Variants in WRN observed in about 807,000 individuals in gnomAD.
WRN encodes the protein WRN RecQ like helicase, also known as bifunctional 3'-5' exonuclease/ATP-dependent helicase WRN.
A neutral mutation model predicts 180.7 loss-of-function variants in WRN; 149 were observed. The observed-to-expected ratio is 0.82, with a 90% CI of 0.72 to 0.94. WRN has a LOEUF of 0.94. Ranked by LOEUF, WRN falls within the 40% of genes least tolerant of loss-of-function variation. WRN has a pLI of 0.00. For synonymous variants in WRN, 548 were observed against 568.9 expected (o/e 0.96, Z 0.52); for missense variants, 1,661 against 1,700.1 (o/e 0.98, Z 0.40).
chr8:31,075,645 G>A (rs1224584063), intron 7 of WRN, among the ~76,000 whole-genome samples: 2 of 151,926 alleles, frequency 1.3e-5, no homozygotes, highest in African/African-American at 2.4e-5. Context: ...GCTTGAAGCC[G>A]GGAGGTGGAG....
chr8:31,036,701 T>A (rs951199000), intron 1 of WRN, among the ~76,000 whole-genome samples: 11 of 152,220 alleles, frequency 7.2e-5, no homozygotes, highest in Non-Finnish European at 1.2e-4. Context: ...TATGGTTTTT[T>A]AATTTTTTTA....
chr8:31,070,545 T>C (rs1812873135), intron 7 of WRN, among the ~76,000 whole-genome samples: 1 of 152,152 alleles, frequency 6.6e-6, no homozygotes, highest in South Asian at 2.1e-4. Flanking sequence ...AAGCCAGGCA[T>C]ACTCTGTTTC....
intron 31 of WRN, 22 bp from the exon 32 acceptor site, chr8:31,154,602 T>G: frequency 6.2e-7 from 1 of 1,602,704 alleles, no homozygotes; most frequent in Non-Finnish European, 8.5e-7. Flanking sequence ...TGATCATTTG[T>G]GCTACATTAA....
At chr8:31,123,880 A>C (rs1478028625) in intron 21 of WRN, among the ~76,000 whole-genome samples, 2 of 152,148 alleles carry the variant, frequency 1.3e-5, no homozygotes, top group African/African-American at 4.8e-5. Context: ...ACTTTAAAAA[A>C]CAAACACCTC....
intron 18 of WRN, among the ~76,000 whole-genome samples, chr8:31,102,271 GA>G (rs1202803421): frequency 6.6e-6 from 1 of 152,158 alleles, no homozygotes; most frequent in Non-Finnish European, 1.5e-5. Flanking sequence ...ATTATTTCAA[GA>G]ATGTTATATA....
intron 1 of WRN, among the ~76,000 whole-genome samples, chr8:31,051,240 A>T (rs1196791788): frequency 6.6e-6 from 1 of 152,164 alleles, no homozygotes; most frequent in Non-Finnish European, 1.5e-5. Context: ...ACCAAAACCC[A>T]ACTTTCTCTT....
chr8:31,172,625 A>G (rs1354601798), intron 34 of WRN, among the ~76,000 whole-genome samples: 2 of 152,232 alleles, frequency 1.3e-5, no homozygotes, highest in African/African-American at 2.4e-5. Flanking sequence ...TTGTGTATGT[A>G]TACATGCCCA....
intron 9 of WRN, 111 bp downstream of exon 9, chr8:31,081,407 C>G (rs895884790): frequency 6.9e-5 from 78 of 1,126,192 alleles, no homozygotes; most frequent in Non-Finnish European, 9.3e-5. Flanking sequence ...CATACAGTCT[C>G]TGTTGCAGTA....
intron 16 of WRN, 26 bp from the exon 17 acceptor site, chr8:31,096,742 C>CTTTTTTTTTTTTTTTTTTTT: frequency 9.8e-7 from 1 of 1,019,012 alleles, no homozygotes; most frequent in Non-Finnish European, 1.3e-6. Flanking sequence ...TTTTTTTTTT[C>CTTTTTTTTTTTTTTTTTTTT]TTTTTTCTTT....
chr8:31,162,228 T>C (rs1803653330), intron 33 of WRN, among the ~76,000 whole-genome samples: 1 of 152,252 alleles, frequency 6.6e-6, no homozygotes, highest in Non-Finnish European at 1.5e-5. Flanking sequence ...TATACAAATA[T>C]ATTTTCTTTA....
At chr8:31,119,418 T>G (rs1157924207) in intron 20 of WRN, among the ~76,000 whole-genome samples, 1 of 151,904 alleles carries the variant, frequency 6.6e-6, no homozygotes, top group Non-Finnish European at 1.5e-5. Context: ...TTTGTTTATT[T>G]GTGTATTAGT....
intron 34 of WRN, among the ~76,000 whole-genome samples, chr8:31,172,569 G>A (rs573268008): frequency 6.6e-6 from 1 of 152,338 alleles, no homozygotes; most frequent in Admixed American, 6.5e-5. Context: ...ACCTACCGTT[G>A]TAGATGTTAG....
chr8:31,073,983 C>G (rs1220311069), intron 7 of WRN, among the ~76,000 whole-genome samples: 1 of 151,610 alleles, frequency 6.6e-6, no homozygotes, highest in Non-Finnish European at 1.5e-5. Context: ...GTGGCGCGAT[C>G]TCTGCTCACT....
At chr8:31,072,557 T>C (rs1812950866) in intron 7 of WRN, among the ~76,000 whole-genome samples, 1 of 152,182 alleles carries the variant, frequency 6.6e-6, no homozygotes, top group South Asian at 2.1e-4. Flanking sequence ...TGGCTCAGAC[T>C]CGTGGCCTCA....
intron 1 of WRN, among the ~76,000 whole-genome samples, chr8:31,047,528 G>T (rs942049343): frequency 6.6e-6 from 1 of 152,084 alleles, no homozygotes; most frequent in Non-Finnish European, 1.5e-5. Context: ...TCCTTAAAGC[G>T]CATTGGACAT....
Position 31,124,903 on chromosome 8 carries a change from G to GCTAC in WRN, c.2733-5_2733-4insCTAC, listed in dbSNP as rs1563365816. 4 of 1,611,834 alleles carry GCTAC rather than the reference G, an allele frequency of 2.5e-6. No homozygotes were observed. The highest frequency in any genetic ancestry group is 3.4e-6 in the Non-Finnish European group (4 of 1,178,788). ...TTATTTAATTTAAAATTTTGTCTTGGGTAGAATCATCTTGTCTCATTTTGA... is the reference window on the plus strand; with the variant it reads ...TTATTTAATTTAAAATTTTGTCTTGGCTACGTAGAATCATCTTGTCTCATTTTGA... On this transcript the variant is annotated splice_polypyrimidine_tract_variant and splice_region_variant and intron_variant, in intron 22 of 34. Coordinates refer to ENST00000298139, the MANE Select transcript of WRN (RefSeq NM_000553.6).
intron 17 of WRN, among the ~76,000 whole-genome samples, chr8:31,099,500 A>G (rs1814128477): frequency 6.6e-6 from 1 of 151,806 alleles, no homozygotes; most frequent in Admixed American, 6.6e-5. Flanking sequence ...AGTAGTACCC[A>G]GAGAATTTTG....
At chr8:31,088,649 G>A (rs1563343526) in intron 12 of WRN, among the ~76,000 whole-genome samples, 1 of 151,754 alleles carries the variant, frequency 6.6e-6, no homozygotes, top group African/African-American at 2.4e-5. Flanking sequence ...TAAAACATCA[G>A]TTTTTTTTAA....
chr8:31,175,000 T>TA lies in WRN; in HGVS notation c.*1899dup, dbSNP rs1804236847. The stretch of plus-strand genomic sequence containing the variant: ...AGGTGTGAGCCACCATGCACAGCCT[T>TA]ACATAAAGCCTTTTCTAATGAGATG... On this transcript the variant is annotated 3_prime_UTR_variant, in exon 35 of 35. Coordinates refer to ENST00000298139, the MANE Select transcript of WRN (RefSeq NM_000553.6). Among the ~76,000 whole-genome samples the TA allele has an allele frequency of 6.6e-6, 1 of 151,674 alleles. No individual in the cohort carries two copies. Among genetic ancestry groups the TA allele is most frequent in the South Asian group, 2.1e-4 (1 of 4,792 alleles).
Sources: allele counts gnomAD v4.1 joint callset (sites outside exome capture counted in the v4.1 genomes callset), GRCh38; gene constraint gnomAD v4.1.1; transcripts MANE v1.5; gene names NCBI Gene and HGNC (gene_info 2026-07-23, HGNC 2026-07-21).